ANKRD44: variants seen among roughly 807,000 people sequenced by gnomAD.
ANKRD44 encodes the protein ankyrin repeat domain 44, also known as serine/threonine-protein phosphatase 6 regulatory ankyrin repeat subunit B.
Under a neutral mutation model 116.0 loss-of-function variants are expected in ANKRD44, and 35 were observed. The observed-to-expected ratio is 0.30, with a 90% CI of 0.23 to 0.40. ANKRD44 has a LOEUF of 0.40. Among genes scored for constraint, ANKRD44 ranks in the 10% least tolerant of loss-of-function variants. The pLI is 1.00. For synonymous variants in ANKRD44, 435 were observed against 461.8 expected, an observed-to-expected ratio of 0.94 and a Z score of 0.74; for missense variants, 1,014 against 1,242.6, an observed-to-expected ratio of 0.82 and a Z score of 2.77.
chr2:197,086,608 C>G, intron 13 of ANKRD44, 72 bp downstream of exon 13: 1 of 1,445,368 alleles, frequency 6.9e-7, no homozygotes, highest in Admixed American at 1.8e-5. Flanking sequence ...TTCAACCTAA[C>G]TTGATTACTA....
chr2:196,998,953 T>C lies in ANKRD44; in HGVS notation c.2619A>G (p.Lys873=), dbSNP rs1176780962. The change falls in exon 24 of 28, where the codon AAA becomes AAG. Residue 873 remains lysine (K), a synonymous_variant. Coordinates refer to ENST00000282272, the MANE Select transcript of ANKRD44 (RefSeq NM_001195144.2). ...TCTCAGCAGCCATCATCAGTGCTGTTTTCCCTGAATTATCTACTGCGTTCA... is the reference window on the plus strand; with the variant it reads ...TCTCAGCAGCCATCATCAGTGCTGTCTTCCCTGAATTATCTACTGCGTTCA... ...APVNAVDNSG[K]TALMMAAENG... 5 of 1,614,100 alleles carry C rather than the reference T, an allele frequency of 3.1e-6. No homozygotes were observed. The highest frequency in any genetic ancestry group is 1.3e-5 in the African/African-American group (1 of 74,936).
chr2:197,025,392 TATAAC>T (rs1191911178), intron 16 of ANKRD44, 125 bp from the exon 17 acceptor site: 14 of 646,870 alleles, frequency 2.2e-5, no homozygotes, highest in East Asian at 2.8e-5. Flanking sequence ...AAAAATATGA[TATAAC>T]ATATCTAAAA....
intron 1 of ANKRD44, among the ~76,000 whole-genome samples, chr2:197,288,019 C>CAAAAAAAAAA (rs10666895): frequency 3.7e-5 from 3 of 81,702 alleles, no homozygotes; most frequent in Non-Finnish European, 6.9e-5. Context: ...GACTCAGTCT[C>CAAAAAAAAAA]AAAAAAAAAA....
At chr2:197,105,161 T>C (rs1307902306) in intron 9 of ANKRD44, among the ~76,000 whole-genome samples, 1 of 152,176 alleles carries the variant, frequency 6.6e-6, no homozygotes, top group Non-Finnish European at 1.5e-5. Flanking sequence ...TTGCCCAGGC[T>C]GGAGTTCAGT....
chr2:197,256,319 G>A (rs2082445564), intron 1 of ANKRD44, among the ~76,000 whole-genome samples: 1 of 152,200 alleles, frequency 6.6e-6, no homozygotes, highest in African/African-American at 2.4e-5. Context: ...AGGAGCATGA[G>A]TACAAAAGAT....
chr2:197,267,415 A>G (rs1574402523), intron 1 of ANKRD44, among the ~76,000 whole-genome samples: 2 of 152,348 alleles, frequency 1.3e-5, no homozygotes, highest in Admixed American at 1.3e-4. Context: ...TGCACGTAAA[A>G]GCCAATTAGC....
intron 1 of ANKRD44, chr2:197,197,949 C>A (rs1330982926): frequency 6.6e-6 from 1 of 152,114 alleles, no homozygotes; most frequent in Non-Finnish European, 1.5e-5. Context: ...CAAATACGCA[C>A]AGCTAGAATG....
chr2:197,179,922 G>T (rs955853040), intron 2 of ANKRD44, among the ~76,000 whole-genome samples: 1 of 152,192 alleles, frequency 6.6e-6, no homozygotes, highest in Non-Finnish European at 1.5e-5. Context: ...CTGGGCAGGG[G>T]TCCAACAAGG....
At chr2:197,101,001 C>G (rs748500758) in intron 9 of ANKRD44, among the ~76,000 whole-genome samples, 10 of 152,082 alleles carry the variant, frequency 6.6e-5, no homozygotes, top group Non-Finnish European at 1.3e-4. Context: ...TTCCTAAGAA[C>G]AAAGACATTT....
intron 16 of ANKRD44, among the ~76,000 whole-genome samples, chr2:197,073,763 C>A (rs1237615927): frequency 6.6e-6 from 1 of 152,178 alleles, no homozygotes. Context: ...TCTCTAACTT[C>A]TTGTTCTTTC....
At chr2:197,288,618 GA>G (rs36068151) in intron 1 of ANKRD44, among the ~76,000 whole-genome samples, 1 of 151,248 alleles carries the variant, frequency 6.6e-6, no homozygotes. Context: ...AAGAAAATGT[GA>G]TATATATATA....
intron 1 of ANKRD44, among the ~76,000 whole-genome samples, chr2:197,305,815 T>A (rs1057109314): frequency 7.2e-5 from 11 of 151,768 alleles, no homozygotes; most frequent in Admixed American, 1.3e-4. Flanking sequence ...AGTTTAAAAA[T>A]TTTAACTGGC....
rs1306422870 is a variant in ANKRD44 at position 196,987,248 on chromosome 2, G to A, written c.*2343C>T. ...CAAACAATTCCTATAGAAAACTTAA[G>A]CATTTTCATATTCATTTCAATGCAA... is the stretch of plus-strand genomic sequence containing the variant. On this transcript the variant is annotated 3_prime_UTR_variant, in exon 28 of 28. Coordinates refer to ENST00000282272, the MANE Select transcript of ANKRD44 (RefSeq NM_001195144.2). The A allele has an allele frequency of 1.0e-6, 1 of 984,882 alleles. No individual in the cohort carries two copies. Among genetic ancestry groups the A allele is most frequent in the Non-Finnish European group, 1.2e-6 (1 of 829,686 alleles). The allele number at this position is 984,882 out of a possible 1,614,324, so 61.0% of individuals were successfully genotyped here.
In ANKRD44 at chr2:197,288,683, T is replaced by TAC. The variant is rs755975946; in HGVS notation, c.27+21893_27+21894dup. Among the ~76,000 whole-genome samples, 8 of 150,858 alleles carry TAC rather than the reference T, an allele frequency of 5.3e-5. No homozygotes were observed. The East Asian group carries it at 7.8e-4, about 15-fold the overall frequency. On this transcript the variant is annotated intron_variant, in intron 1 of 27. Coordinates refer to ENST00000282272, the MANE Select transcript of ANKRD44 (RefSeq NM_001195144.2). ...ACACATATACACACACATATACACA[T>TAC]ACACACACACACACCATGGAATACT...
At chr2:197,097,729 A>C (rs1471412857) in intron 10 of ANKRD44, among the ~76,000 whole-genome samples, 1 of 152,218 alleles carries the variant, frequency 6.6e-6, no homozygotes, top group Non-Finnish European at 1.5e-5. Flanking sequence ...GACCGCCTGC[A>C]GTATGTCTGG....
intron 2 of ANKRD44, among the ~76,000 whole-genome samples, chr2:197,169,891 T>A (rs1528405): frequency 0.8 from 121,368 of 151,258 alleles, 51,170 homozygotes; most frequent in East Asian, 0.99. Context: ...AAAAATTTTT[T>A]AAAAAAAAGA....
At chr2:197,298,420 A>G (rs143880876) in intron 1 of ANKRD44, among the ~76,000 whole-genome samples, 24 of 152,306 alleles carry the variant, frequency 1.6e-4, no homozygotes, top group African/African-American at 5.1e-4. Context: ...TGGACCACAC[A>G]ACTAGCTCAG....
At chr2:197,223,208 C>A (rs1030279134) in intron 1 of ANKRD44, among the ~76,000 whole-genome samples, 19 of 152,222 alleles carry the variant, frequency 1.2e-4, no homozygotes, top group Middle Eastern at 3.4e-3. Flanking sequence ...CTGCTCAGAT[C>A]AAGAAATGAA....
At chr2:196,999,409 T>A (rs2076073033) in intron 23 of ANKRD44, among the ~76,000 whole-genome samples, 1 of 152,176 alleles carries the variant, frequency 6.6e-6, no homozygotes, top group Non-Finnish European at 1.5e-5. Flanking sequence ...ATAAAAATTT[T>A]AAAAACCCGT....
Sources: allele counts gnomAD v4.1 joint callset (sites outside exome capture counted in the v4.1 genomes callset), GRCh38; gene constraint gnomAD v4.1.1; transcripts MANE v1.5; gene names NCBI Gene and HGNC (gene_info 2026-07-23, HGNC 2026-07-21).